The following PSG8 variants were observed in gnomAD, a reference collection of about 807,000 sequenced individuals.
The protein encoded by PSG8 is pregnancy-specific beta-1-glycoprotein 8.
A neutral mutation model predicts 42.5 loss-of-function variants in PSG8; 57 were observed. The ratio of observed to expected loss-of-function variants is 1.34; its 90% confidence interval spans 1.08 to 1.67. PSG8 has a LOEUF of 1.67. PSG8 is among the 40% of genes most tolerant of loss of function. The pLI is 0.00. For synonymous variants in PSG8, 280 were observed against 196.8 expected, an observed-to-expected ratio of 1.42 and a Z score of -3.54; for missense variants, 783 against 518.6, an observed-to-expected ratio of 1.51 and a Z score of -4.95.
rs1158716488 is a variant in PSG8, at chr19:42,754,500, T to C, written c.1076A>G (p.Asn359Ser). 6.2e-7 allele frequency: 1 copy of C among 1,613,718 alleles called. No homozygotes were observed. The highest frequency in any genetic ancestry group is 8.5e-7 in the Non-Finnish European group (1 of 1,179,828). ...VLYLSCSADS[N>S]PPAQYSWTIN... ...TGTCCAAGAATACTGTGCCGGTGGG[T>C]TAGAGTCCGCAGAACAGGACAAGTA... is the stretch of plus-strand genomic sequence containing the variant. Residue 359 changes from asparagine to serine, a missense_variant, in exon 5 of 5, where the codon AAC becomes AGC. By Grantham distance (46) the Asn-to-Ser change is conservative. Coordinates refer to ENST00000306511, the MANE Select transcript of PSG8 (RefSeq NM_182707.3).
intron 1 of PSG8, among the ~76,000 whole-genome samples, chr19:42,764,869 G>C (rs148171623): frequency 6.6e-6 from 1 of 151,976 alleles, no homozygotes; most frequent in African/African-American, 2.4e-5. Flanking sequence ...GGCCCTCCAC[G>C]CCCTTGGTGT....
chr19:42,757,741 T>C (rs1192821427), intron 3 of PSG8, among the ~76,000 whole-genome samples: 1 of 152,208 alleles, frequency 6.6e-6, no homozygotes, highest in African/African-American at 2.4e-5. Context: ...TTCACTGATC[T>C]GGAGCCTGAG....
At chr19:42,760,518 A>AG (rs1176699307) in intron 2 of PSG8, among the ~76,000 whole-genome samples, 1 of 152,114 alleles carries the variant, frequency 6.6e-6, no homozygotes, top group African/African-American at 2.4e-5. Context: ...TCCTCAAGCT[A>AG]GGGATTCTTT....
chr19:42,761,147 C>T (rs930503284), intron 2 of PSG8, among the ~76,000 whole-genome samples: 5 of 152,162 alleles, frequency 3.3e-5, no homozygotes, highest in South Asian at 2.1e-4. Flanking sequence ...AGGAAACTAG[C>T]ATGCCTGACT....
At chr19:42,761,594 T>G (rs534558728) in intron 2 of PSG8, among the ~76,000 whole-genome samples, 18 of 151,820 alleles carry the variant, frequency 1.2e-4, no homozygotes, top group African/African-American at 4.3e-4. Context: ...CTACCTAGAG[T>G]CAGATTTAAG....
chr19:42,765,406 C>G, intron 1 of PSG8, 112 bp downstream of exon 1: 1 of 1,512,696 alleles, frequency 6.6e-7, no homozygotes, highest in Admixed American at 1.8e-5. Context: ...CCTGCCTCAG[C>G]CTCCCAAAGT....
intron 1 of PSG8, among the ~76,000 whole-genome samples, chr19:42,764,926 T>C (rs1345355551): frequency 6.6e-6 from 1 of 152,086 alleles, no homozygotes; most frequent in East Asian, 1.9e-4. Flanking sequence ...GGACAGTGTT[T>C]CATGCCCTGT....
At position 42,765,495 on chromosome 19, in the gene PSG8, C is replaced by G. The variant is rs575528307; in HGVS notation, c.64+23G>C. On this transcript the variant is annotated intron_variant, in intron 1 of 4. Transcript: ENST00000306511. ...TCACTCTGCTTCCTCCTCCTGTCCTCTCCCAGGAGGTTCTCTCCTCACCTG... is the reference window on the plus strand; with the variant it reads ...TCACTCTGCTTCCTCCTCCTGTCCTGTCCCAGGAGGTTCTCTCCTCACCTG... The G allele has an allele frequency of 1.2e-4, 197 of 1,609,110 alleles. 2 individuals are homozygous for G. Among genetic ancestry groups the G allele is most frequent in the Admixed American group, 8.3e-4 (50 of 59,898 alleles).
chr19:42,758,307 C>T (rs752568547), intron 2 of PSG8, 27 bp from the exon 3 acceptor site: 8 of 1,605,970 alleles, frequency 5.0e-6, no homozygotes, highest in African/African-American at 2.7e-5. Context: ...GAGAAGATTG[C>T]CCTGTGTGGC....
chr19:42,762,391 G>A (rs143563448), intron 2 of PSG8, among the ~76,000 whole-genome samples: 2,353 of 152,176 alleles, frequency 0.015, 32 homozygotes, highest in African/African-American at 0.025. Flanking sequence ...GAGCTGGGGT[G>A]GCTTTAGGGG....
intron 1 of PSG8, among the ~76,000 whole-genome samples, chr19:42,765,123 C>T (rs868419011): frequency 2.6e-5 from 4 of 151,754 alleles, no homozygotes; most frequent in South Asian, 2.1e-4. Flanking sequence ...ATCCAGGCTC[C>T]AATAGAGCCT....
intron 1 of PSG8, among the ~76,000 whole-genome samples, 157 bp downstream of exon 1, chr19:42,765,361 C>T (rs1216966719): frequency 6.6e-6 from 1 of 151,958 alleles, no homozygotes; most frequent in East Asian, 1.9e-4. Flanking sequence ...ACTGTGTTGG[C>T]CAGACTGATC....
intron 2 of PSG8, among the ~76,000 whole-genome samples, chr19:42,762,426 A>C (rs372065736): frequency 6.6e-6 from 1 of 151,992 alleles, no homozygotes; most frequent in East Asian, 1.9e-4. Context: ...GGGATGAAAC[A>C]TGGGTGTCAG....
chr19:42,764,445 CTG>C (rs1251905432), intron 1 of PSG8, among the ~76,000 whole-genome samples, 164 bp from the exon 2 acceptor site: 1 of 151,664 alleles, frequency 6.6e-6, no homozygotes, highest in Non-Finnish European at 1.5e-5. Flanking sequence ...GCATGTGTGT[CTG>C]TGTGTGTGTA....
chr19:42,753,445 T>A, downstream of PSG8: 3 of 769,024 alleles, frequency 3.9e-6, no homozygotes, highest in Middle Eastern at 4.6e-4. Flanking sequence ...TGTACTACAG[T>A]TTTTATTTTC....
chr19:42,756,765 C>G (rs1486645045), intron 3 of PSG8, among the ~76,000 whole-genome samples: 1 of 152,020 alleles, frequency 6.6e-6, no homozygotes, highest in Non-Finnish European at 1.5e-5. Context: ...GTCATCAGAA[C>G]TTTCCACCTT....
At position 42,755,615 on chromosome 19, in the gene PSG8, C is replaced by T. The variant is rs59950738; in HGVS notation, c.710-349G>A. 7.2e-5 allele frequency: 28 copies of T among 387,868 alleles called. No homozygotes were observed. The East Asian group carries it at 1.3e-3, about 18-fold the overall frequency. 24.0% of individuals were successfully genotyped at this position (387,868 alleles called of 1,614,324 possible). A position where few individuals can be genotyped will look rare whatever the true frequency, so the allele number is the denominator to read the frequency against. Reference sequence around the variant, plus strand: ...CCCTGGGTTCCTTACCTGGAATGTGCAACTGGTGGGCCCCTTCCAAATTCC... The same window carrying T: ...CCCTGGGTTCCTTACCTGGAATGTGTAACTGGTGGGCCCCTTCCAAATTCC... On this transcript the variant is annotated intron_variant, in intron 3 of 4. Coordinates refer to ENST00000306511, the MANE Select transcript of PSG8 (RefSeq NM_182707.3).
rs370490968 is a variant in PSG8 at position 42,764,027 on chromosome 19, G to A, written c.319C>T (p.Leu107=). The change falls in exon 2 of 5, where the codon CTG becomes TTG. Residue 107 remains leucine, a synonymous_variant. Transcript: ENST00000306511. ...GRETIYSNAS[L]LIQNVTQEDA... is the part of the protein sequence containing the mutation. ...TCCTGGGTGACATTCTGGATCAGCA[G>A]GGATGCATTGGAATATATTGTTTCT... is the stretch of plus-strand genomic sequence containing the variant. The A allele has an allele frequency of 7.0e-5, 113 of 1,613,886 alleles. No individual in the cohort carries two copies. The East Asian group carries it at 1.0e-3, about 15-fold the overall frequency.
At chr19:42,753,033 G>A (rs1193521092), downstream of PSG8, 2 of 561,238 alleles carry the variant, frequency 3.6e-6, no homozygotes, top group Non-Finnish European at 6.4e-6. Flanking sequence ...GCATTATCCT[G>A]CCAAGTGAAA....
Sources: gnomAD v4.1 joint callset for allele counts (sites outside exome capture counted in the v4.1 genomes callset) on GRCh38, gnomAD v4.1.1 for gene constraint, MANE v1.5 for transcripts, NCBI Gene and HGNC (gene_info 2026-07-23, HGNC 2026-07-21) for gene names.